The following FXYD6 variants were observed in gnomAD, a reference collection of about 807,000 sequenced individuals.
FXYD6 encodes the protein FXYD domain-containing ion transport regulator 6.
Under a neutral mutation model 16.7 loss-of-function variants are expected in FXYD6, and 7 were observed. That is an observed-to-expected ratio of 0.42 (90% CI 0.24 to 0.79). FXYD6 has a LOEUF of 0.79. FXYD6 is among the 30% of genes least tolerant of loss of function. The pLI, the probability that FXYD6 is intolerant of heterozygous loss-of-function variation, is 0.28. For missense variants in FXYD6, 111 were observed against 116.2 expected, an observed-to-expected ratio of 0.95 and a Z score of 0.21; for synonymous variants, 49 against 43.0, an observed-to-expected ratio of 1.14 and a Z score of -0.54.
At chr11:117,842,945 T>G (rs1371532311) in intron 1 of FXYD6, among the ~76,000 whole-genome samples, 164 bp from the exon 2 acceptor site, 1 of 152,076 alleles carries the variant, frequency 6.6e-6, no homozygotes, top group East Asian at 1.9e-4. Flanking sequence ...TGACTTTTTT[T>G]TTTTTTGAGA....
intron 1 of FXYD6, among the ~76,000 whole-genome samples, chr11:117,864,353 T>G (rs772495757): frequency 6.6e-6 from 1 of 152,162 alleles, no homozygotes; most frequent in African/African-American, 2.4e-5. Context: ...AGACAGTCTT[T>G]TCAACAAGTA....
intron 1 of FXYD6, among the ~76,000 whole-genome samples, chr11:117,858,729 CTT>C (rs2056825976): frequency 1.7e-5 from 1 of 57,942 alleles, no homozygotes; most frequent in Non-Finnish European, 3.3e-5. Flanking sequence ...CCTTCCCTTC[CTT>C]CCTTCCTTCC....
chr11:117,852,643 TG>T (rs1440425127), intron 1 of FXYD6, among the ~76,000 whole-genome samples: 1 of 152,252 alleles, frequency 6.6e-6, no homozygotes, highest in African/African-American at 2.4e-5. Context: ...TCATCAGACT[TG>T]AAAGTCCTTT....
At chr11:117,851,825 T>C (rs2056616219) in intron 1 of FXYD6, among the ~76,000 whole-genome samples, 1 of 152,354 alleles carries the variant, frequency 6.6e-6, no homozygotes, top group Admixed American at 6.5e-5. Context: ...TAGTGTTCAA[T>C]GCTTTGAGTA....
intron 1 of FXYD6, among the ~76,000 whole-genome samples, chr11:117,844,895 C>T (rs891344702): frequency 3.9e-5 from 6 of 152,180 alleles, no homozygotes; most frequent in African/African-American, 2.4e-5. Context: ...TAGAGATCTG[C>T]TGTATAACAC....
chr11:117,866,698 A>C (rs1420104630), intron 1 of FXYD6, among the ~76,000 whole-genome samples: 2 of 152,090 alleles, frequency 1.3e-5, no homozygotes, highest in East Asian at 3.9e-4. Flanking sequence ...TGTCCATCTC[A>C]CAGCTGCTGA....
At chr11:117,869,869 GCGT>G (rs2057097275) in intron 1 of FXYD6, among the ~76,000 whole-genome samples, 1 of 2,042 alleles carries the variant, frequency 4.9e-4, no homozygotes, top group African/African-American at 5.6e-4. Flanking sequence ...GTCTTTCAGT[GCGT>G]GCCGGCCTGG....
chr11:117,845,438 GCT>G (rs1491301542), intron 1 of FXYD6, among the ~76,000 whole-genome samples: 3 of 152,112 alleles, frequency 2.0e-5, no homozygotes, highest in Admixed American at 2.0e-4. Context: ...GCTTAGTGTA[GCT>G]TTTTTGAACT....
intron 1 of FXYD6, among the ~76,000 whole-genome samples, chr11:117,850,131 C>T (rs576730721): frequency 6.6e-6 from 1 of 152,138 alleles, no homozygotes; most frequent in South Asian, 2.1e-4. Context: ...ACCCCACTTC[C>T]CTTAACAGTA....
At position 117,858,000 on chromosome 11, in the gene FXYD6, G is replaced by A. The variant is rs147938774; in HGVS notation, c.-5-15219C>T. 6.6e-3 allele frequency among the ~76,000 whole-genome samples: 1,003 copies of A among 152,262 alleles called. 12 individuals carry two copies. The highest frequency in any genetic ancestry group is 0.023 in the African/African-American group (970 of 41,542). ...AACCCTGGCCTTGGCTTTGGAATGT[G>A]TTTTATTTTTATGGGAATTAAGCCT... On this transcript the variant is annotated intron_variant, in intron 1 of 7. Coordinates refer to ENST00000526014, the MANE Select transcript of FXYD6 (RefSeq NM_022003.4).
At chr11:117,862,966 T>C (rs1473782592) in intron 1 of FXYD6, among the ~76,000 whole-genome samples, 1 of 152,208 alleles carries the variant, frequency 6.6e-6, no homozygotes, top group Non-Finnish European at 1.5e-5. Flanking sequence ...ATGATGATGA[T>C]GATGATGTGA....
intron 7 of FXYD6, chr11:117,838,696 C>T (rs1017111489): frequency 1.9e-5 from 4 of 207,890 alleles, no homozygotes; most frequent in South Asian, 1.8e-4. Context: ...CCTCCTAGAT[C>T]GGAATCTTCG....
rs568398687 is a variant in FXYD6 at position 117,837,664 on chromosome 11, C to T, written c.*635G>A. ...CAACGCTGGGCTCACCAGCTCCTTG[C>T]TTTGTATCTCCAGTTGCTAAGAGAC... is the stretch of plus-strand genomic sequence containing the variant. On this transcript the variant is annotated 3_prime_UTR_variant, in exon 8 of 8. Coordinates refer to ENST00000526014, the MANE Select transcript of FXYD6 (RefSeq NM_022003.4). The surrounding 1 kb of genome is among the most constrained non-coding windows in gnomAD (Gnocchi z 4.4). The T allele has an allele frequency of 5.8e-5, 9 of 155,666 alleles. No homozygotes were observed. The highest frequency in any genetic ancestry group is 1.4e-4 in the African/African-American group (6 of 41,636). The allele number at this position is 155,666 out of a possible 1,614,324, so 9.6% of individuals were successfully genotyped here.
At chr11:117,855,305 T>A (rs2056698636) in intron 1 of FXYD6, among the ~76,000 whole-genome samples, 1 of 151,534 alleles carries the variant, frequency 6.6e-6, no homozygotes, top group Non-Finnish European at 1.5e-5. Flanking sequence ...CTGGGCTACA[T>A]CAACCACACC....
At chr11:117,861,499 C>T (rs942226946) in intron 1 of FXYD6, among the ~76,000 whole-genome samples, 5 of 152,212 alleles carry the variant, frequency 3.3e-5, no homozygotes, top group Non-Finnish European at 7.3e-5. Context: ...CCTGCTTCAA[C>T]TAAATTAGAT....
chr11:117,875,019 C>T (rs1042971932), intron 1 of FXYD6, among the ~76,000 whole-genome samples: 1 of 152,162 alleles, frequency 6.6e-6, no homozygotes, highest in African/African-American at 2.4e-5. Context: ...CCCCTCCACA[C>T]CCCTAGGGAG....
chr11:117,842,598 T>A, intron 2 of FXYD6, 121 bp downstream of exon 2: 1 of 997,878 alleles, frequency 1.0e-6, no homozygotes, highest in South Asian at 1.5e-5. Flanking sequence ...GGCCCCTGAC[T>A]AGACATGAAG....
At chr11:117,847,458 C>T in intron 1 of FXYD6, among the ~76,000 whole-genome samples, 1 of 151,774 alleles carries the variant, frequency 6.6e-6, no homozygotes, top group East Asian at 1.9e-4. Flanking sequence ...TGGTGTGCTG[C>T]ACCCATTAAC....
intron 1 of FXYD6, among the ~76,000 whole-genome samples, chr11:117,865,346 A>G (rs1369832386): frequency 6.6e-6 from 1 of 152,236 alleles, no homozygotes; most frequent in African/African-American, 2.4e-5. Context: ...CATATGATCC[A>G]GCAATTCCAC....
Sources: gnomAD v4.1 joint callset for allele counts (sites outside exome capture counted in the v4.1 genomes callset) on GRCh38, gnomAD v4.1.1 for gene constraint, Gnocchi (gnomAD v3.1) non-coding constraint, MANE v1.5 for transcripts, NCBI Gene and HGNC (gene_info 2026-07-23, HGNC 2026-07-21) for gene names.